The following DENND1A variants were observed in gnomAD, a reference collection of about 807,000 sequenced individuals.
The protein encoded by DENND1A is DENN domain-containing protein 1A.
A neutral mutation model predicts 113.7 loss-of-function variants in DENND1A; 51 were observed. The observed-to-expected ratio is 0.45, with a 90% CI of 0.36 to 0.57. The LOEUF (loss-of-function observed/expected upper bound fraction) is 0.57. DENND1A is among the 20% of genes least tolerant of loss of function. DENND1A has a pLI of 0.00. For synonymous variants in DENND1A, 565 were observed against 570.8 expected (o/e 0.99, Z 0.14); for missense variants, 1,258 against 1,395.9 (o/e 0.90, Z 1.57).
At chr9:123,416,256 G>T (rs28427049) in intron 19 of DENND1A, among the ~76,000 whole-genome samples, 4,489 of 152,006 alleles carry the variant, frequency 0.03, 105 homozygotes, top group East Asian at 0.13. Flanking sequence ...CCTCTTTCAC[G>T]CTGGTGCTCC....
chr9:123,563,367 C>G (rs1215372833), intron 12 of DENND1A, among the ~76,000 whole-genome samples: 1 of 152,214 alleles, frequency 6.6e-6, no homozygotes. Flanking sequence ...CCCCACTGCA[C>G]TCCTCAGGCA....
At chr9:123,867,550 A>G (rs1845955395) in intron 2 of DENND1A, among the ~76,000 whole-genome samples, 1 of 152,164 alleles carries the variant, frequency 6.6e-6, no homozygotes, top group African/African-American at 2.4e-5. Context: ...CTTTTTTGGA[A>G]AGAATATTTT....
intron 3 of DENND1A, among the ~76,000 whole-genome samples, chr9:123,788,250 C>G (rs1488151686): frequency 1.3e-5 from 2 of 152,118 alleles, no homozygotes; most frequent in Non-Finnish European, 2.9e-5. Context: ...ATACTTGACA[C>G]ATTACAAGAC....
At chr9:123,653,278 T>C (rs941512171) in intron 8 of DENND1A, among the ~76,000 whole-genome samples, 2 of 152,222 alleles carry the variant, frequency 1.3e-5, no homozygotes. Context: ...TTAACAGCTC[T>C]ATATACTAAC....
At chr9:123,553,766 C>A (rs1267259473) in intron 13 of DENND1A, among the ~76,000 whole-genome samples, 2 of 152,044 alleles carry the variant, frequency 1.3e-5, no homozygotes. Context: ...TTACTTCAAA[C>A]CTTTTTTTTT....
chr9:123,754,268 C>T (rs1012947089), intron 5 of DENND1A, among the ~76,000 whole-genome samples: 1 of 152,156 alleles, frequency 6.6e-6, no homozygotes, highest in Non-Finnish European at 1.5e-5. Context: ...GACCTCTCCA[C>T]TCCCCAGTGG....
intron 21 of DENND1A, chr9:123,402,381 G>A: frequency 2.5e-6 from 1 of 398,388 alleles, no homozygotes; most frequent in Non-Finnish European, 5.1e-6. Flanking sequence ...GAGCTGAAGT[G>A]AACTGCAACT....
chr9:123,747,256 T>C (rs377591642), intron 5 of DENND1A, among the ~76,000 whole-genome samples: 2 of 152,166 alleles, frequency 1.3e-5, no homozygotes, highest in African/African-American at 2.4e-5. Flanking sequence ...ATTTTTGCTG[T>C]ATTTTGGGTC....
At chr9:123,427,392 C>T (rs1364699438) in intron 19 of DENND1A, among the ~76,000 whole-genome samples, 3 of 152,232 alleles carry the variant, frequency 2.0e-5, no homozygotes, top group Non-Finnish European at 4.4e-5. Flanking sequence ...CCCGGGACTG[C>T]AGTGGACTTT....
chr9:123,632,720 T>A (rs533465876), intron 9 of DENND1A, among the ~76,000 whole-genome samples: 7 of 152,202 alleles, frequency 4.6e-5, no homozygotes, highest in Admixed American at 4.6e-4. Context: ...CTTCTCCAAG[T>A]CTGTCCTTGG....
At chr9:123,457,312 C>A in intron 15 of DENND1A, 36 bp downstream of exon 15, 1 of 1,530,808 alleles carries the variant, frequency 6.5e-7, no homozygotes, top group Non-Finnish European at 9.1e-7. Context: ...ATGATAGCAG[C>A]CTGCAGCCCC....
chr9:123,538,125 T>C (rs1160441080), intron 13 of DENND1A, among the ~76,000 whole-genome samples: 1 of 152,196 alleles, frequency 6.6e-6, no homozygotes, highest in African/African-American at 2.4e-5. Flanking sequence ...ATGCTCATGG[T>C]AGTATGTGTA....
chr9:123,654,132 A>G (rs1375813504), intron 8 of DENND1A, among the ~76,000 whole-genome samples: 1 of 152,228 alleles, frequency 6.6e-6, no homozygotes, highest in Non-Finnish European at 1.5e-5. Flanking sequence ...ACGGAGGAAC[A>G]CAGAGCTAAT....
chr9:123,471,399 A>G (rs1470697869), intron 13 of DENND1A, among the ~76,000 whole-genome samples: 1 of 152,168 alleles, frequency 6.6e-6, no homozygotes, highest in Non-Finnish European at 1.5e-5. Context: ...CGGAGGGGCT[A>G]AGAAAGGATC....
intron 5 of DENND1A, among the ~76,000 whole-genome samples, chr9:123,697,394 T>C (rs965133023): frequency 6.6e-6 from 1 of 152,236 alleles, no homozygotes; most frequent in African/African-American, 2.4e-5. Context: ...TTATTCTATT[T>C]TTATTTTTCC....
At chr9:123,745,663 T>C (rs1284460458) in intron 5 of DENND1A, among the ~76,000 whole-genome samples, 1 of 152,268 alleles carries the variant, frequency 6.6e-6, no homozygotes, top group Non-Finnish European at 1.5e-5. Flanking sequence ...GTTAAGTCTA[T>C]GTGCACCAGT....
At chr9:123,393,530 T>TA (rs1159257633) in intron 21 of DENND1A, among the ~76,000 whole-genome samples, 2,110 of 142,394 alleles carry the variant, frequency 0.015, 30 homozygotes, top group Middle Eastern at 0.04. Flanking sequence ...GACCGCATCT[T>TA]AAAAAAATAA....
At chr9:123,669,610 C>A (rs1479628216) in intron 7 of DENND1A, among the ~76,000 whole-genome samples, 1 of 152,208 alleles carries the variant, frequency 6.6e-6, no homozygotes, top group Non-Finnish European at 1.5e-5. Flanking sequence ...AGCTGGTGAC[C>A]CAGCCAGGCT....
intron 11 of DENND1A, among the ~76,000 whole-genome samples, chr9:123,603,383 G>C (rs77912999): frequency 0.023 from 3,569 of 152,290 alleles, 50 homozygotes; most frequent in Non-Finnish European, 0.033. Flanking sequence ...TGTAGACATA[G>C]ACAAATGTGG....
Sources: gnomAD v4.1 joint callset for allele counts (sites outside exome capture counted in the v4.1 genomes callset) on GRCh38, gnomAD v4.1.1 for gene constraint, MANE v1.5 for transcripts, NCBI Gene and HGNC (gene_info 2026-07-23, HGNC 2026-07-21) for gene names.